CDKL5: variants seen among roughly 807,000 people sequenced by gnomAD.
CDKL5 encodes cyclin dependent kinase like 5.
A neutral mutation model predicts 61.7 loss-of-function variants in CDKL5; 8 were observed. The observed-to-expected ratio is 0.13, with a 90% CI of 0.08 to 0.23. The LOEUF is 0.23. Ranked by LOEUF, CDKL5 falls within the 10% of genes least tolerant of loss-of-function variation. The pLI is 1.00. For missense variants in CDKL5, 440 were observed against 734.5 expected (o/e 0.60, Z 4.63); for synonymous variants, 275 against 272.3 (o/e 1.01, Z -0.10).
At chrX:18,570,095 C>G (rs1251138390) in intron 4 of CDKL5, among the ~76,000 whole-genome samples, 1 of 111,317 alleles carries the variant, frequency 9.0e-6, no homozygotes, top group Non-Finnish European at 1.9e-5. Flanking sequence ...ATCTCTGGAT[C>G]AGGAGTACTC....
chrX:18,608,806 T>C lies in CDKL5; in HGVS notation c.1945-5T>C, dbSNP rs1064796245. The C allele has an allele frequency of 1.7e-6, 2 of 1,186,928 alleles. No homozygotes were observed. Among genetic ancestry groups the C allele is most frequent in the East Asian group, 3.0e-5 (1 of 33,736 alleles). ...CTTATAAATCCTTTTAAATTTTACT[T>C]CCAGCCTGGAGAACAGCTCCCTCCA... On this transcript the variant is annotated splice_region_variant and splice_polypyrimidine_tract_variant and intron_variant, in intron 12 of 17. Transcript: ENST00000623535.
At chrX:18,624,938 A>C (rs745487596) in intron 16 of CDKL5, among the ~76,000 whole-genome samples, 190 bp from the exon 17 acceptor site, 2 of 111,803 alleles carry the variant, frequency 1.8e-5, no homozygotes, top group African/African-American at 6.5e-5. Context: ...AATTATTAAG[A>C]GGGCAGAAGA....
intron 3 of CDKL5, among the ~76,000 whole-genome samples, chrX:18,539,151 A>G (rs1923938428): frequency 9.0e-6 from 1 of 111,262 alleles, no homozygotes; most frequent in African/African-American, 3.3e-5. Context: ...AAGTTTATCA[A>G]TATTAATTGT....
In CDKL5 at chrX:18,629,678, C is replaced by T. The variant is rs1193804094; in HGVS notation, c.*921C>T. Reference sequence around the variant, plus strand: ...TCTAGACATGATCCTTGGTAGCAGACGAGATGCAGCATCTCTTTCCAAACC... The same window carrying T: ...TCTAGACATGATCCTTGGTAGCAGATGAGATGCAGCATCTCTTTCCAAACC... On this transcript the variant is annotated 3_prime_UTR_variant, in exon 18 of 18. Coordinates refer to ENST00000623535, the MANE Select transcript of CDKL5 (RefSeq NM_001323289.2). 2.0e-5 allele frequency: 15 copies of T among 751,639 alleles called. No individual in the cohort carries two copies. The East Asian group carries it at 4.6e-4, about 23-fold the overall frequency. The allele number at this position is 751,639 out of a possible 1,213,427, so 61.9% of individuals were successfully genotyped here. A position where few individuals can be genotyped will look rare whatever the true frequency, so the allele number is the denominator to read the frequency against.
chrX:18,480,927 C>T (rs1158946372), intron 1 of CDKL5, among the ~76,000 whole-genome samples: 2 of 104,641 alleles, frequency 1.9e-5, no homozygotes, highest in East Asian at 3.0e-4. Flanking sequence ...GCGTGATCTC[C>T]GCTCACTGCA....
chrX:18,517,229 T>G (rs990553955), intron 3 of CDKL5, among the ~76,000 whole-genome samples: 1 of 111,672 alleles, frequency 9.0e-6, no homozygotes, highest in Non-Finnish European at 1.9e-5. Context: ...CTTTTTACAG[T>G]GATTCAGTTC....
Position 18,620,647 on chromosome X carries a change from T to G in CDKL5, c.2376+681T>G, listed in dbSNP as rs767273573. Among the ~76,000 whole-genome samples the G allele has an allele frequency of 1.5e-4, 17 of 111,968 alleles. No individual in the cohort carries two copies. The East Asian group carries it at 2.8e-3, about 18-fold the overall frequency. ...ATGAGAACCTTGGGGAAACCCGGCC[T>G]GTAGGACAGCAGCAGGAGTAGTTCT... On this transcript the variant is annotated intron_variant, in intron 16 of 17. Transcript: ENST00000623535.
At chrX:18,580,117 T>C in intron 6 of CDKL5, 149 bp downstream of exon 6, 1 of 496,623 alleles carries the variant, frequency 2.0e-6, no homozygotes, top group Non-Finnish European at 3.4e-6. Context: ...ACATGAGAAA[T>C]ATTTGCTCTC....
chrX:18,495,577 C>T (rs1439309900), intron 1 of CDKL5, among the ~76,000 whole-genome samples: 1 of 111,875 alleles, frequency 8.9e-6, no homozygotes, highest in East Asian at 2.8e-4. Context: ...TAGTTTAGTA[C>T]AGGATTCCTT....
chrX:18,550,424 A>G (rs1489973654), intron 3 of CDKL5, among the ~76,000 whole-genome samples: 2 of 111,998 alleles, frequency 1.8e-5, no homozygotes, highest in Non-Finnish European at 3.8e-5. Context: ...ACTATAAACC[A>G]GAAGGGACTG....
At chrX:18,469,338 C>CAAAAA (rs34096001) in intron 1 of CDKL5, among the ~76,000 whole-genome samples, 2 of 15,670 alleles carry the variant, frequency 1.3e-4, no homozygotes, top group South Asian at 4.9e-3. Context: ...GACTCTGTCT[C>CAAAAA]AAAAAAAAAA....
chrX:18,533,969 C>A lies in CDKL5; in HGVS notation c.99+23115C>A, dbSNP rs188374070. Among the ~76,000 whole-genome samples the A allele has an allele frequency of 4.3e-3, 486 of 111,902 alleles. 2 individuals are homozygous for A. In the Middle Eastern group the frequency reaches 0.046, roughly 11 times the overall value. On this transcript the variant is annotated intron_variant, in intron 3 of 17. Transcript: ENST00000623535. ...CTTGAATAATTTCTCCCATGGCCTCCGTCTTGCCCCAGCATCACAGTGTAA... is the reference window on the plus strand; with the variant it reads ...CTTGAATAATTTCTCCCATGGCCTCAGTCTTGCCCCAGCATCACAGTGTAA...
intron 1 of CDKL5, among the ~76,000 whole-genome samples, chrX:18,427,642 A>C (rs1365781964): frequency 2.7e-5 from 3 of 111,514 alleles, no homozygotes; most frequent in Non-Finnish European, 5.6e-5. Flanking sequence ...TATATATATC[A>C]AACAGTTGAG....
chrX:18,575,626 G>A, intron 5 of CDKL5, 136 bp downstream of exon 5: 1 of 579,601 alleles, frequency 1.7e-6, no homozygotes, highest in Non-Finnish European at 2.9e-6. Flanking sequence ...AAAAATGAAA[G>A]TGTTGTTAAT....
At chrX:18,618,894 G>A (rs1027487497) in intron 15 of CDKL5, among the ~76,000 whole-genome samples, 1 of 111,008 alleles carries the variant, frequency 9.0e-6, no homozygotes, top group Non-Finnish European at 1.9e-5. Flanking sequence ...ACTTGAACCC[G>A]GTAGGTGGAG....
intron 3 of CDKL5, among the ~76,000 whole-genome samples, chrX:18,554,454 C>T (rs1231914751): frequency 2.2e-5 from 2 of 91,411 alleles, no homozygotes; most frequent in Non-Finnish European, 4.2e-5. Flanking sequence ...CTCACTCTGT[C>T]GCCCAGGCTG....
chrX:18,545,268 A>C (rs1342448012), intron 3 of CDKL5, among the ~76,000 whole-genome samples: 1 of 111,370 alleles, frequency 9.0e-6, no homozygotes, highest in Non-Finnish European at 1.9e-5. Context: ...AAATAAAAGG[A>C]AATCTCTGCT....
chrX:18,584,585 C>T (rs896189730), intron 8 of CDKL5, among the ~76,000 whole-genome samples: 1 of 111,808 alleles, frequency 8.9e-6, no homozygotes, highest in African/African-American at 3.3e-5. Flanking sequence ...GATGGTTCTT[C>T]TACTGGTCTC....
chrX:18,509,886 G>A (rs918603143), intron 2 of CDKL5, among the ~76,000 whole-genome samples: 1 of 109,736 alleles, frequency 9.1e-6, no homozygotes, highest in African/African-American at 3.3e-5. Context: ...GTGTGGTGGT[G>A]CATGCCTATA....
Sources: allele counts gnomAD v4.1 joint callset (sites outside exome capture counted in the v4.1 genomes callset), GRCh38; gene constraint gnomAD v4.1.1; transcripts MANE v1.5; gene names NCBI Gene and HGNC (gene_info 2026-07-23, HGNC 2026-07-21).